The following LRCH1 variants were observed in gnomAD, a reference collection of about 807,000 sequenced individuals.
LRCH1 encodes leucine-rich repeat and calponin homology domain-containing protein 1.
Under a neutral mutation model 94.9 loss-of-function variants are expected in LRCH1, and 23 were observed. The ratio of observed to expected loss-of-function variants is 0.24; its 90% confidence interval spans 0.17 to 0.34. The LOEUF is 0.34. Among genes scored for constraint, LRCH1 ranks in the 10% least tolerant of loss-of-function variants. The probability of loss-of-function intolerance (pLI) is 1.00; values close to 1 mark genes in which losing one functional copy is unlikely to be tolerated. For missense variants in LRCH1, 790 were observed against 945.9 expected (o/e 0.84, Z 2.16); for synonymous variants, 364 against 354.9 (o/e 1.03, Z -0.29).
At chr13:46,679,594 G>C (rs893091129) in intron 3 of LRCH1, among the ~76,000 whole-genome samples, 5 of 152,100 alleles carry the variant, frequency 3.3e-5, no homozygotes, top group African/African-American at 1.2e-4. Context: ...TTCTGTTTTT[G>C]TTTTAAACAC....
chr13:46,597,242 G>A (rs907931661), intron 1 of LRCH1, among the ~76,000 whole-genome samples: 6 of 152,136 alleles, frequency 3.9e-5, no homozygotes, highest in South Asian at 4.1e-4. Flanking sequence ...TACTGTAAAC[G>A]AGTGTCCTGG....
At chr13:46,727,414 A>G (rs1872876158) in intron 17 of LRCH1, among the ~76,000 whole-genome samples, 1 of 152,230 alleles carries the variant, frequency 6.6e-6, no homozygotes, top group Admixed American at 6.5e-5. Context: ...ATGATCCAAC[A>G]TTCGTGTCTT....
intron 1 of LRCH1, among the ~76,000 whole-genome samples, chr13:46,615,976 AT>A (rs1208553689): frequency 6.6e-6 from 1 of 152,150 alleles, no homozygotes; most frequent in African/African-American, 2.4e-5. Flanking sequence ...TGTGGTTACG[AT>A]TTGTTAACAA....
Position 46,567,534 on chromosome 13 carries a change from G to A in LRCH1, c.307+13831G>A, listed in dbSNP as rs965768568. ...TGTGTGTGTGTGTGTGTGTTTTCCT[G>A]GTGTTTTAGAAAGCCTGGATAAATC... On this transcript the variant is annotated intron_variant, in intron 1 of 19. Coordinates refer to ENST00000389797, the MANE Select transcript of LRCH1 (RefSeq NM_001164211.2). Among the ~76,000 whole-genome samples, 3 of 150,352 alleles carry A rather than the reference G, an allele frequency of 2.0e-5. No individual in the cohort carries two copies. In the South Asian group the frequency reaches 6.3e-4, roughly 31 times the overall value.
intron 4 of LRCH1, 85 bp downstream of exon 4, chr13:46,681,931 G>T: frequency 2.0e-6 from 1 of 490,206 alleles, no homozygotes. Flanking sequence ...GAAGAGGGTC[G>T]ATCTTTGTGT....
chr13:46,604,041 A>G (rs952179344), intron 1 of LRCH1, among the ~76,000 whole-genome samples: 1 of 152,212 alleles, frequency 6.6e-6, no homozygotes, highest in African/African-American at 2.4e-5. Context: ...CTTGTATTAT[A>G]GAATAGTTTG....
chr13:46,590,386 C>T (rs769551962), intron 1 of LRCH1, among the ~76,000 whole-genome samples: 22 of 152,174 alleles, frequency 1.4e-4, no homozygotes, highest in Admixed American at 6.5e-5. Flanking sequence ...TCCTTGTATA[C>T]GTTTATGTCT....
intron 1 of LRCH1, among the ~76,000 whole-genome samples, chr13:46,592,673 A>G (rs2050513701): frequency 6.6e-6 from 1 of 152,202 alleles, no homozygotes; most frequent in Non-Finnish European, 1.5e-5. Flanking sequence ...CCCACTTCAT[A>G]TACATTTCTG....
chr13:46,695,122 T>G, intron 9 of LRCH1, 105 bp downstream of exon 9: 3 of 1,367,310 alleles, frequency 2.2e-6, no homozygotes, highest in Non-Finnish European at 3.0e-6. Flanking sequence ...ATGTCCAGCT[T>G]GCTGCACCCT....
In LRCH1 at chr13:46,613,789, A is replaced by AGTG. The variant is rs1400420410; in HGVS notation, c.308-36410_308-36409insGGT. 3.3e-3 allele frequency among the ~76,000 whole-genome samples: 500 copies of AGTG among 152,310 alleles called. 2 individuals carry two copies. Among genetic ancestry groups the AGTG allele is most frequent in the South Asian group, 0.02 (94 of 4,820 alleles). The stretch of plus-strand genomic sequence containing the variant: ...GGGTGACCACAGAAGTTATTCTCTA[A>AGTG]GTCTGGTATGTTCCTAAATGTCCTC... On this transcript the variant is annotated intron_variant, in intron 1 of 19. Transcript: ENST00000389797.
intron 2 of LRCH1, among the ~76,000 whole-genome samples, chr13:46,664,604 G>A (rs1294718714): frequency 6.6e-6 from 1 of 152,176 alleles, no homozygotes; most frequent in Non-Finnish European, 1.5e-5. Context: ...ATGGCATGAT[G>A]AAGCATTTTA....
rs1475131857 is a variant in LRCH1, at chr13:46,553,315, C to G, written c.-82C>G. 4.9e-6 allele frequency: 6 copies of G among 1,218,162 alleles called. No individual in the cohort carries two copies. Among genetic ancestry groups the G allele is most frequent in the Non-Finnish European group, 6.8e-6 (6 of 882,066 alleles). The allele number at this position is 1,218,162 out of a possible 1,614,324, so 75.5% of individuals were successfully genotyped here. On this transcript the variant is annotated 5_prime_UTR_variant, in exon 1 of 20. Transcript: ENST00000389797. ...CGGTGGAGCACTGCGGCACTCAGCC[C>G]GAGCTGCCGTTTTCCCCTCGCGGGG...
At position 46,681,467 on chromosome 13, in the gene LRCH1, A is replaced by G. The variant is rs549923496; in HGVS notation, c.580-274A>G. 2.6e-5 allele frequency among the ~76,000 whole-genome samples: 4 copies of G among 152,338 alleles called. No homozygotes were observed. The East Asian group carries it at 5.8e-4, about 22-fold the overall frequency. Reference sequence around the variant, plus strand: ...TTGTGGTGAGAATTCAGTAAAATCGAAGCATGTCAAAGTGGCAGGCCAGAG... The same window carrying G: ...TTGTGGTGAGAATTCAGTAAAATCGGAGCATGTCAAAGTGGCAGGCCAGAG... On this transcript the variant is annotated intron_variant, in intron 3 of 19. Coordinates refer to ENST00000389797, the MANE Select transcript of LRCH1 (RefSeq NM_001164211.2).
intron 1 of LRCH1, among the ~76,000 whole-genome samples, chr13:46,583,570 C>A (rs758047076): frequency 6.6e-6 from 1 of 152,182 alleles, no homozygotes; most frequent in Non-Finnish European, 1.5e-5. Flanking sequence ...TGTCAGTACT[C>A]ACCTTTGGAC....
intron 1 of LRCH1, among the ~76,000 whole-genome samples, chr13:46,557,133 A>G (rs919713299): frequency 2.6e-5 from 4 of 151,880 alleles, no homozygotes; most frequent in African/African-American, 4.8e-5. Context: ...GCCAAAGAAA[A>G]ACAAGTACAC....
At chr13:46,672,495 C>T (rs530053846) in intron 3 of LRCH1, among the ~76,000 whole-genome samples, 6 of 152,160 alleles carry the variant, frequency 3.9e-5, no homozygotes, top group Non-Finnish European at 8.8e-5. Context: ...AGAGCTGTGT[C>T]AACCAGCTCA....
At chr13:46,687,403 C>G (rs1195503252) in intron 5 of LRCH1, among the ~76,000 whole-genome samples, 1 of 152,146 alleles carries the variant, frequency 6.6e-6, no homozygotes, top group Non-Finnish European at 1.5e-5. Flanking sequence ...GATGCTTAAC[C>G]ATGTAAATAT....
chr13:46,618,020 A>T (rs1351792827), intron 1 of LRCH1, among the ~76,000 whole-genome samples: 1 of 152,174 alleles, frequency 6.6e-6, no homozygotes, highest in African/African-American at 2.4e-5. Context: ...TACAAGCTAT[A>T]CGGTCATGCA....
At chr13:46,740,909 C>T (rs952764534) in intron 19 of LRCH1, among the ~76,000 whole-genome samples, 1 of 151,954 alleles carries the variant, frequency 6.6e-6, no homozygotes, top group Non-Finnish European at 1.5e-5. Context: ...AGAGGTCTAC[C>T]CCCCCTGCCC....
Sources: gnomAD v4.1 joint callset for allele counts (sites outside exome capture counted in the v4.1 genomes callset) on GRCh38, gnomAD v4.1.1 for gene constraint, MANE v1.5 for transcripts, NCBI Gene and HGNC (gene_info 2026-07-23, HGNC 2026-07-21) for gene names.